The following ZNF385D variants were observed in gnomAD, a reference collection of about 807,000 sequenced individuals.
The protein encoded by ZNF385D is zinc finger protein 659.
In ZNF385D, 15 loss-of-function variants were observed where a neutral mutation model predicts 35.8. That is an observed-to-expected ratio of 0.42 (90% CI 0.28 to 0.64). The LOEUF (loss-of-function observed/expected upper bound fraction) is 0.64. Among genes scored for constraint, ZNF385D ranks in the 30% least tolerant of loss-of-function variants. The probability of loss-of-function intolerance (pLI) is 0.23; values close to 1 mark genes in which losing one functional copy is unlikely to be tolerated. For missense variants in ZNF385D, 474 were observed against 494.6 expected, an observed-to-expected ratio of 0.96 and a Z score of 0.39; for synonymous variants, 212 against 186.8, an observed-to-expected ratio of 1.13 and a Z score of -1.10.
Position 21,751,097 on chromosome 3 carries a change from G to T in ZNF385D, c.-181C>A, listed in dbSNP as rs2070057430. 1 of 1,485,370 alleles carries T rather than the reference G, an allele frequency of 6.7e-7. No individual in the cohort carries two copies. Among genetic ancestry groups the T allele is most frequent in the Non-Finnish European group, 9.0e-7 (1 of 1,116,916 alleles). 92.0% of individuals were successfully genotyped at this position (1,485,370 alleles called of 1,614,324 possible). On this transcript the variant is annotated 5_prime_UTR_variant, in exon 1 of 8. Transcript: ENST00000281523. ...GCGCCTTGCAGGCTGCCTTTCCAGG[G>T]CTAAGATCCCCGGCGGCTGGAGAGT... is the stretch of plus-strand genomic sequence containing the variant.
At chr3:22,106,593 C>T (rs751578547) in intron 3 of ZNF385D, among the ~76,000 whole-genome samples, 1 of 152,112 alleles carries the variant, frequency 6.6e-6, no homozygotes, top group African/African-American at 2.4e-5. Flanking sequence ...CTCTCTCTCA[C>T]CAGTCCCTGC....
At position 21,764,106 on chromosome 3, in the gene ZNF385D, C is replaced by T. The variant is rs113646742; in HGVS notation, c.326-99078G>A. Among the ~76,000 whole-genome samples the T allele has an allele frequency of 5.6e-3, 847 of 152,040 alleles. 14 individuals carry two copies. The highest frequency in any genetic ancestry group is 0.02 in the African/African-American group (821 of 41,456). ...TAGAGAAGGGCTTTTGAGAATTTGA[C>T]GTCTAATATAAAGAACGCGGTTGAT... On this transcript the variant is annotated intron_variant, in intron 3 of 5. Transcript: ENST00000494108.
At chr3:21,711,039 G>GTTGTTTTTTTTT (rs2068082583) in intron 1 of ZNF385D, among the ~76,000 whole-genome samples, 15 of 83,150 alleles carry the variant, frequency 1.8e-4, no homozygotes, top group Non-Finnish European at 2.7e-4. Flanking sequence ...CCCTCTAAAA[G>GTTGTTTTTTTTT]TTTTTTTTTT....
At chr3:21,756,556 A>G (rs980287889) in intron 3 of ZNF385D, among the ~76,000 whole-genome samples, 5 of 152,206 alleles carry the variant, frequency 3.3e-5, no homozygotes, top group African/African-American at 1.2e-4. Context: ...ATGATTTTAT[A>G]AATGATAATA....
intron 2 of ZNF385D, among the ~76,000 whole-genome samples, chr3:21,643,686 A>G (rs1392728120): frequency 1.3e-5 from 2 of 152,064 alleles, no homozygotes; most frequent in African/African-American, 4.8e-5. Flanking sequence ...TTAGAGTGTC[A>G]TGGGAGGAAT....
intron 2 of ZNF385D, among the ~76,000 whole-genome samples, chr3:22,366,976 G>C (rs771220416): frequency 2.2e-4 from 33 of 152,256 alleles, no homozygotes; most frequent in Non-Finnish European, 3.2e-4. Flanking sequence ...CCTTCTAAGA[G>C]AGCAAATCTT....
chr3:21,526,286 G>C (rs1708217737), intron 3 of ZNF385D, among the ~76,000 whole-genome samples: 1 of 151,842 alleles, frequency 6.6e-6, no homozygotes, highest in Non-Finnish European at 1.5e-5. Context: ...ACCTTTGCAG[G>C]GCTGGTCCTG....
intron 1 of ZNF385D, among the ~76,000 whole-genome samples, chr3:21,665,971 A>T (rs2066393614): frequency 6.6e-6 from 1 of 152,230 alleles, no homozygotes; most frequent in South Asian, 2.1e-4. Context: ...AGACTGTAAA[A>T]ACCTGCTGGT....
chr3:22,223,587 A>G (rs1698387143), intron 2 of ZNF385D, among the ~76,000 whole-genome samples: 1 of 152,196 alleles, frequency 6.6e-6, no homozygotes, highest in Non-Finnish European at 1.5e-5. Context: ...TTAGCAGAAC[A>G]TAATGTATTT....
chr3:22,222,781 A>T (rs1698337965), intron 2 of ZNF385D, among the ~76,000 whole-genome samples: 1 of 152,200 alleles, frequency 6.6e-6, no homozygotes, highest in African/African-American at 2.4e-5. Flanking sequence ...TAGATCACTT[A>T]GAATATTCAG....
At chr3:22,085,575 C>T (rs1269358298) in intron 3 of ZNF385D, among the ~76,000 whole-genome samples, 1 of 152,084 alleles carries the variant, frequency 6.6e-6, no homozygotes, top group African/African-American at 2.4e-5. Context: ...GAAATTGAGG[C>T]AATAATTAAC....
At chr3:22,319,182 A>G (rs973938048) in intron 2 of ZNF385D, among the ~76,000 whole-genome samples, 1 of 152,174 alleles carries the variant, frequency 6.6e-6, no homozygotes, top group Non-Finnish European at 1.5e-5. Flanking sequence ...AAAAATGCCA[A>G]TACTACTTTT....
rs564388835 is a variant in ZNF385D, at chr3:22,300,369, T to C, written c.106+72081A>G. ...AAAACAGGGGTACAATTTCCTGACA[T>C]TGATTGGTCTGGGCAATGATTTTTT... On this transcript the variant is annotated intron_variant, in intron 2 of 5. Coordinates refer to the ZNF385D transcript ENST00000494108. 1.8e-4 allele frequency among the ~76,000 whole-genome samples: 26 copies of C among 143,436 alleles called. No homozygotes were observed. The South Asian group carries it at 5.3e-3, about 29-fold the overall frequency. 94.1% of individuals were successfully genotyped at this position (143,436 alleles called of 152,430 possible).
chr3:22,062,072 C>T (rs1699715849), intron 3 of ZNF385D, among the ~76,000 whole-genome samples: 3 of 152,082 alleles, frequency 2.0e-5, no homozygotes, highest in African/African-American at 7.2e-5. Flanking sequence ...AGGTCTTGTT[C>T]TGTTGCCCAG....
intron 5 of ZNF385D, among the ~76,000 whole-genome samples, chr3:21,432,439 G>T (rs9823869): frequency 0.06 from 9,140 of 152,110 alleles, 284 homozygotes; most frequent in African/African-American, 0.082. Context: ...ACTAGAATGT[G>T]TTTAGCAAAA....
At chr3:21,803,079 T>C (rs1461262405) in intron 3 of ZNF385D, among the ~76,000 whole-genome samples, 2 of 152,094 alleles carry the variant, frequency 1.3e-5, no homozygotes, top group Admixed American at 6.6e-5. Flanking sequence ...CTGCAAGTTA[T>C]TGTTACCCCT....
Position 21,564,371 on chromosome 3 carries a change from TA to T in ZNF385D, c.276+202del, listed in dbSNP as rs144814153. On this transcript the variant is annotated intron_variant, in intron 3 of 7. Transcript: ENST00000281523. ...TAAACTGCAAGTATTTAAGCTTGTTTACATGTGAATTTTCTGTAGTAAACAA... is the reference window on the plus strand; with the variant it reads ...TAAACTGCAAGTATTTAAGCTTGTTTCATGTGAATTTTCTGTAGTAAACAA... Among the ~76,000 whole-genome samples, 882 of 152,352 alleles carry T rather than the reference TA, an allele frequency of 5.8e-3. 9 individuals are homozygous for T. The highest frequency in any genetic ancestry group is 0.02 in the African/African-American group (828 of 41,578).
chr3:21,608,023 G>GTTTTTTTTTTGTTTTTTTT (rs2064545249), intron 2 of ZNF385D, among the ~76,000 whole-genome samples: 44 of 120,200 alleles, frequency 3.7e-4, no homozygotes, highest in South Asian at 1.8e-3. Flanking sequence ...TTTTTTTTTT[G>GTTTTTTTTTTGTTTTTTTT]TTTTTTTTTT....
At chr3:22,025,853 A>G (rs938872542) in intron 3 of ZNF385D, among the ~76,000 whole-genome samples, 7 of 152,112 alleles carry the variant, frequency 4.6e-5, no homozygotes, top group African/African-American at 1.7e-4. Flanking sequence ...GAGCCCTGTA[A>G]TTGCTCTTCT....
Sources: allele counts gnomAD v4.1 joint callset (sites outside exome capture counted in the v4.1 genomes callset), GRCh38; gene constraint gnomAD v4.1.1; transcripts MANE v1.5; gene names NCBI Gene and HGNC (gene_info 2026-07-23, HGNC 2026-07-21).